SNX13: variants seen among roughly 807,000 people sequenced by gnomAD.
SNX13 encodes sorting nexin 13, also known as sorting nexin-13.
A neutral mutation model predicts 133.6 loss-of-function variants in SNX13; 45 were observed. The ratio of observed to expected loss-of-function variants is 0.34; its 90% CI spans 0.27 to 0.43. The LOEUF (loss-of-function observed/expected upper bound fraction) is 0.43, where lower values mean the gene tolerates loss of function less well. SNX13 is among the 20% of genes least tolerant of loss of function. SNX13 has a pLI of 1.00. For missense variants in SNX13, 1,032 were observed against 1,145.1 expected, an observed-to-expected ratio of 0.90 and a Z score of 1.43; for synonymous variants, 414 against 373.9, an observed-to-expected ratio of 1.11 and a Z score of -1.24.
At chr7:17,933,471 A>T (rs1278259671) in intron 1 of SNX13, among the ~76,000 whole-genome samples, 1 of 151,872 alleles carries the variant, frequency 6.6e-6, no homozygotes, top group African/African-American at 2.4e-5. Flanking sequence ...TGAACCCGTG[A>T]GACAGAGCTT....
chr7:17,828,804 GA>G (rs1788179348), intron 16 of SNX13, among the ~76,000 whole-genome samples: 1 of 151,242 alleles, frequency 6.6e-6, no homozygotes, highest in African/African-American at 2.4e-5. Context: ...ATGGAATAAA[GA>G]AAAAAAATTT....
At chr7:17,795,988 T>C (rs1379519743) in intron 25 of SNX13, 1 of 151,434 alleles carries the variant, frequency 6.6e-6, no homozygotes, top group Non-Finnish European at 1.5e-5. Flanking sequence ...AAAACAAAAT[T>C]AGAGAAAAAA....
intron 5 of SNX13, chr7:17,879,996 A>G (rs1441745286): frequency 2.6e-5 from 4 of 152,244 alleles, no homozygotes; most frequent in Non-Finnish European, 5.9e-5. Context: ...GTAATTGGGC[A>G]GTAGGTAAAT....
At chr7:17,851,011 G>A (rs1411858825) in intron 9 of SNX13, 47 bp from the exon 10 acceptor site, 1 of 1,549,556 alleles carries the variant, frequency 6.5e-7, no homozygotes, top group Non-Finnish European at 8.7e-7. Context: ...ACTCACTTAT[G>A]AAAAGGAAAA....
chr7:17,832,173 C>T, intron 15 of SNX13: 1 of 983,946 alleles, frequency 1.0e-6, no homozygotes, highest in Non-Finnish European at 1.2e-6. Context: ...AAAACCAGTT[C>T]CAAAAAAAAA....
At chr7:17,901,767 C>G (rs1037172673) in intron 1 of SNX13, among the ~76,000 whole-genome samples, 1 of 152,168 alleles carries the variant, frequency 6.6e-6, no homozygotes, top group Non-Finnish European at 1.5e-5. Context: ...TTAAAACCAG[C>G]TACTGTGATC....
rs1219779985 is a variant in SNX13, at chr7:17,791,738, A to G, written c.*2307T>C. 1 of 152,082 alleles carries G rather than the reference A, an allele frequency of 6.6e-6. No homozygotes were observed. The highest frequency in any genetic ancestry group is 1.5e-5 in the Non-Finnish European group (1 of 67,966). The allele number at this position is 152,082 out of a possible 1,614,324, so 9.4% of individuals were successfully genotyped here. On this transcript the variant is annotated 3_prime_UTR_variant, in exon 26 of 26. Coordinates refer to ENST00000428135, the MANE Select transcript of SNX13 (RefSeq NM_015132.5). ...AATGTAACTTTATTAAACATAGTAC[A>G]CTGTACTTGACTTATGGTTAAATAT...
At chr7:17,797,633 C>A (rs1485016214) in intron 24 of SNX13, among the ~76,000 whole-genome samples, 1 of 151,734 alleles carries the variant, frequency 6.6e-6, no homozygotes, top group Non-Finnish European at 1.5e-5. Flanking sequence ...CATGTTCAGG[C>A]CTTTCATTGG....
At chr7:17,892,479 T>G (rs1468072332) in intron 3 of SNX13, among the ~76,000 whole-genome samples, 1 of 151,502 alleles carries the variant, frequency 6.6e-6, no homozygotes, top group Admixed American at 6.6e-5. Context: ...AAAGGAAAGG[T>G]TAATTTCCTA....
At chr7:17,807,951 G>T (rs557510170) in intron 20 of SNX13, among the ~76,000 whole-genome samples, 3 of 152,280 alleles carry the variant, frequency 2.0e-5, no homozygotes, top group Admixed American at 6.5e-5. Flanking sequence ...CCCATCTGAA[G>T]GTCAGCAACA....
intron 8 of SNX13, among the ~76,000 whole-genome samples, chr7:17,870,290 T>C (rs190958292): frequency 3.9e-5 from 6 of 152,296 alleles, no homozygotes; most frequent in Admixed American, 3.9e-4. Context: ...ACTTACACAA[T>C]CTATACAAAG....
At chr7:17,901,537 T>C (rs1797842748) in intron 1 of SNX13, among the ~76,000 whole-genome samples, 1 of 152,132 alleles carries the variant, frequency 6.6e-6, no homozygotes, top group Non-Finnish European at 1.5e-5. Context: ...GCTTCATCCA[T>C]AGGCTCTGGC....
chr7:17,805,876 G>A (rs1785243231), intron 20 of SNX13, among the ~76,000 whole-genome samples: 2 of 152,082 alleles, frequency 1.3e-5, no homozygotes, highest in African/African-American at 4.8e-5. Context: ...GAGGGAAGTG[G>A]GGTAAGAAGA....
chr7:17,919,095 G>A (rs1799857581), intron 1 of SNX13, among the ~76,000 whole-genome samples: 1 of 152,166 alleles, frequency 6.6e-6, no homozygotes, highest in Non-Finnish European at 1.5e-5. Flanking sequence ...GCAAAAGAGG[G>A]GAAGAATGGA....
chr7:17,797,000 T>G, intron 24 of SNX13, 61 bp from the exon 25 acceptor site: 1 of 1,233,140 alleles, frequency 8.1e-7, no homozygotes, highest in Non-Finnish European at 1.2e-6. Context: ...TACAAGTTGA[T>G]AAAATTATTT....
Position 17,897,391 on chromosome 7 carries a change from G to A in SNX13, c.68C>T (p.Thr23Ile). 1 of 1,604,816 alleles carries A rather than the reference G, an allele frequency of 6.2e-7. No homozygotes were observed. Among genetic ancestry groups the A allele is most frequent in the Non-Finnish European group, 8.5e-7 (1 of 1,175,040 alleles). Residue 23 changes from threonine (T) to isoleucine (I), a missense_variant, in exon 2 of 26, where the codon ACC (threonine) becomes ATC (isoleucine). By Grantham distance (89) the Thr-to-Ile change is moderately conservative. Coordinates refer to ENST00000428135, the MANE Select transcript of SNX13 (RefSeq NM_015132.5). Reference protein sequence around the residue: ...GSLGIVLFLITFGPFVIFYLT... With the variant: ...GSLGIVLFLIIFGPFVIFYLT... ...ATAAAATATTACAAAGGGTCCAAAGGTTATCAGAAAAAGGACAATGCCAAG... is the reference window on the plus strand; with the variant it reads ...ATAAAATATTACAAAGGGTCCAAAGATTATCAGAAAAAGGACAATGCCAAG...
At chr7:17,873,443 T>G in intron 8 of SNX13, 85 bp downstream of exon 8, 1 of 548,260 alleles carries the variant, frequency 1.8e-6, no homozygotes, top group Non-Finnish European at 2.7e-6. Context: ...TTTTTAAGAG[T>G]GTAACAGGGT....
intron 1 of SNX13, among the ~76,000 whole-genome samples, chr7:17,930,378 T>A (rs998671666): frequency 6.6e-6 from 1 of 152,206 alleles, no homozygotes; most frequent in Non-Finnish European, 1.5e-5. Flanking sequence ...TATACATTTT[T>A]ATTCAGAAAT....
At chr7:17,805,194 G>A (rs887690167) in intron 20 of SNX13, among the ~76,000 whole-genome samples, 1 of 138,954 alleles carries the variant, frequency 7.2e-6, no homozygotes, top group East Asian at 2.1e-4. Context: ...TAAGTCTCAC[G>A]TTTGGCTAAT....
Sources: gnomAD v4.1 joint callset for allele counts (sites outside exome capture counted in the v4.1 genomes callset) on GRCh38, gnomAD v4.1.1 for gene constraint, MANE v1.5 for transcripts, NCBI Gene and HGNC (gene_info 2026-07-23, HGNC 2026-07-21) for gene names.